SGCD: variants seen among roughly 807,000 people sequenced by gnomAD.
SGCD encodes the protein sarcoglycan delta, also known as delta-sarcoglycan.
SGCD carries 18 observed loss-of-function variants against 36.6 expected under a neutral mutation model. That is an observed-to-expected ratio of 0.49 (90% CI 0.34 to 0.73). The LOEUF is 0.73. Among genes scored for constraint, SGCD ranks in the 30% least tolerant of loss-of-function variants. The pLI, the probability that SGCD is intolerant of heterozygous loss-of-function variation, is 0.01. For missense variants in SGCD, 387 were observed against 346.7 expected (o/e 1.12, Z -0.92); for synonymous variants, 133 against 130.6 (o/e 1.02, Z -0.12).
At chr5:155,831,371 G>T in the SGCD span, among the ~76,000 whole-genome samples, 1 of 152,196 alleles carries the variant, frequency 6.6e-6, no homozygotes, top group Non-Finnish European at 1.5e-5. Flanking sequence ...GAAAGGGGGA[G>T]ATTTACCATT....
At chr5:156,417,075 C>CT (rs1561681614) in intron 3 of SGCD, among the ~76,000 whole-genome samples, 1 of 151,942 alleles carries the variant, frequency 6.6e-6, no homozygotes, top group African/African-American at 2.4e-5. Flanking sequence ...GAGAACAATG[C>CT]TTTTTTTAAA....
intron 1 of SGCD, among the ~76,000 whole-genome samples, chr5:156,085,474 TG>T (rs1299233537): frequency 1.3e-5 from 2 of 152,152 alleles, no homozygotes; most frequent in African/African-American, 4.8e-5. Context: ...TGCTTTCTGC[TG>T]TGAGTAAAAG....
intron 7 of SGCD, among the ~76,000 whole-genome samples, chr5:156,671,139 A>G (rs1248409600): frequency 1.3e-5 from 2 of 150,804 alleles, no homozygotes; most frequent in Non-Finnish European, 3.0e-5. Context: ...GAGTCTATTA[A>G]TAATAGTTTC....
chr5:156,160,373 C>A lies in SGCD; in HGVS notation c.-44+36354C>A, dbSNP rs1763060542. 2.0e-5 allele frequency among the ~76,000 whole-genome samples: 3 copies of A among 151,594 alleles called. No individual in the cohort carries two copies. The East Asian group carries it at 5.8e-4, about 29-fold the overall frequency. On this transcript the variant is annotated intron_variant, in intron 3 of 9. Transcript: ENST00000517913. ...TTTTCTATTAAAAAAGCTTCACTTTCTATATTTTATTCCTGCAATTCATTT... is the reference window on the plus strand; with the variant it reads ...TTTTCTATTAAAAAAGCTTCACTTTATATATTTTATTCCTGCAATTCATTT...
At chr5:155,783,416 T>C in the SGCD span, among the ~76,000 whole-genome samples, 1 of 152,188 alleles carries the variant, frequency 6.6e-6, no homozygotes, top group Non-Finnish European at 1.5e-5. Flanking sequence ...TGCATCATAC[T>C]AAAATTCTGG....
At chr5:156,421,631 G>A (rs1054673804) in intron 3 of SGCD, among the ~76,000 whole-genome samples, 2 of 152,014 alleles carry the variant, frequency 1.3e-5, no homozygotes, top group African/African-American at 4.8e-5. Context: ...GACCCCGTGA[G>A]CAGATAGGTC....
intron 1 of SGCD, among the ~76,000 whole-genome samples, chr5:156,012,440 G>C (rs1758879906): frequency 6.6e-6 from 1 of 152,076 alleles, no homozygotes; most frequent in East Asian, 1.9e-4. Context: ...ATTCAAAATT[G>C]TATAGAGGTG....
intron 3 of SGCD, among the ~76,000 whole-genome samples, chr5:156,219,172 C>T (rs1027863400): frequency 2.0e-5 from 3 of 152,076 alleles, no homozygotes; most frequent in South Asian, 2.1e-4. Flanking sequence ...TGCAACCTTG[C>T]GAAACTCATT....
At chr5:156,451,777 C>T (rs2127807115) in intron 3 of SGCD, among the ~76,000 whole-genome samples, 1 of 152,288 alleles carries the variant, frequency 6.6e-6, no homozygotes, top group East Asian at 1.9e-4. Context: ...ATTACTTACA[C>T]TTCATTCTGT....
Position 156,030,825 on chromosome 5 carries a change from G to C in SGCD, c.-281-87053G>C, listed in dbSNP as rs560098876. Among the ~76,000 whole-genome samples, 4 of 152,284 alleles carry C rather than the reference G, an allele frequency of 2.6e-5. No homozygotes were observed. In the East Asian group the frequency reaches 7.7e-4, roughly 29 times the overall value. ...AAATTACATGTAGCTTTAGGAAATA[G>C]TGCAAATAAAGGTACAAATAGTACA... On this transcript the variant is annotated intron_variant, in intron 1 of 9. Coordinates refer to the SGCD transcript ENST00000517913.
intron 7 of SGCD, among the ~76,000 whole-genome samples, chr5:156,738,298 TAAAG>T: frequency 1.3e-5 from 2 of 152,258 alleles, no homozygotes; most frequent in Non-Finnish European, 2.9e-5. Context: ...GGGAGGACCA[TAAAG>T]AGAGTCCCTC....
chr5:156,135,855 A>T (rs1173960768), intron 3 of SGCD, among the ~76,000 whole-genome samples: 2 of 152,166 alleles, frequency 1.3e-5, no homozygotes, highest in East Asian at 3.9e-4. Flanking sequence ...TATATTTTAG[A>T]TTCCTGAAGG....
chr5:156,071,954 C>A (rs1001408625), intron 1 of SGCD, among the ~76,000 whole-genome samples: 5 of 151,998 alleles, frequency 3.3e-5, no homozygotes, highest in Non-Finnish European at 7.4e-5. Flanking sequence ...GATTGCAACC[C>A]CTGCCTTTTT....
At chr5:156,274,788 G>A (rs557891915) in intron 3 of SGCD, among the ~76,000 whole-genome samples, 1 of 152,252 alleles carries the variant, frequency 6.6e-6, no homozygotes, top group Admixed American at 6.5e-5. Flanking sequence ...TTCTCCAACA[G>A]ACATGGAGTC....
intron 3 of SGCD, chr5:156,458,470 C>G (rs1422357081): frequency 2.5e-6 from 4 of 1,609,708 alleles, no homozygotes; most frequent in Non-Finnish European, 3.4e-6. Flanking sequence ...GGCAGCTCAT[C>G]CCCAACACAG....
intron 3 of SGCD, among the ~76,000 whole-genome samples, chr5:156,172,851 GT>G (rs56825608): frequency 4.7e-5 from 7 of 148,704 alleles, no homozygotes; most frequent in Non-Finnish European, 7.4e-5. Context: ...CGTGTAATTT[GT>G]TTTTTTTTTA....
intron 4 of SGCD, among the ~76,000 whole-genome samples, chr5:156,529,516 A>G (rs907062233): frequency 2.0e-5 from 3 of 151,840 alleles, no homozygotes; most frequent in Non-Finnish European, 4.4e-5. Flanking sequence ...GTTGGCAAAA[A>G]AAAAAATGTT....
chr5:155,936,116 C>G (rs1230755456), intron 1 of SGCD, among the ~76,000 whole-genome samples: 1 of 152,164 alleles, frequency 6.6e-6, no homozygotes, highest in Non-Finnish European at 1.5e-5. Context: ...TCAGGGAGCT[C>G]CTAGGTCTGG....
At chr5:156,155,642 G>A (rs1233994056) in intron 3 of SGCD, among the ~76,000 whole-genome samples, 5 of 149,560 alleles carry the variant, frequency 3.3e-5, no homozygotes, top group Admixed American at 1.3e-4. Flanking sequence ...GAAGCACACA[G>A]GATTTACTCT....
Sources: gnomAD v4.1 joint callset for allele counts (sites outside exome capture counted in the v4.1 genomes callset) on GRCh38, gnomAD v4.1.1 for gene constraint, MANE v1.5 for transcripts, NCBI Gene and HGNC (gene_info 2026-07-23, HGNC 2026-07-21) for gene names.